Variants in GOSR1 observed in about 807,000 individuals in gnomAD.
GOSR1 encodes the protein golgi SNAP receptor complex member 1, also known as 28 kDa Golgi SNARE protein.
GOSR1 carries 21 observed loss-of-function variants against 35.5 expected under a neutral mutation model. That is an observed-to-expected ratio of 0.59 (90% confidence interval 0.42 to 0.85). The LOEUF is 0.85. Among genes scored for constraint, GOSR1 ranks in the 40% least tolerant of loss-of-function variants. The pLI is 0.00. For missense variants in GOSR1, 285 were observed against 309.6 expected (o/e 0.92, Z 0.60); for synonymous variants, 94 against 106.6 (o/e 0.88, Z 0.73).
At chr17:30,521,605 A>C (rs1181195990) in intron 8 of GOSR1, among the ~76,000 whole-genome samples, 1 of 151,084 alleles carries the variant, frequency 6.6e-6, no homozygotes. Flanking sequence ...AAAAAAAATC[A>C]AAAAAAATGG....
In GOSR1 at chr17:30,488,164, C is replaced by CTTT. The variant is rs1165032726; in HGVS notation, c.343-1946_343-1944dup. ...AATAGACATTTACTCTTTAAATATA[C>CTTT]TTTTTTTTTTTTTTTTTTGAGACAG... On this transcript the variant is annotated intron_variant, in intron 4 of 8. Coordinates refer to ENST00000451249, the MANE Select transcript of GOSR1 (RefSeq NM_001007025.2). 3.3e-4 allele frequency among the ~76,000 whole-genome samples: 39 copies of CTTT among 116,918 alleles called. 2 individuals are homozygous for CTTT. Among genetic ancestry groups the CTTT allele is most frequent in the African/African-American group, 1.3e-3 (37 of 29,196 alleles). 76.7% of individuals were successfully genotyped at this position (116,918 alleles called of 152,430 possible).
chr17:30,510,821 A>G lies in GOSR1; in HGVS notation c.510-59A>G. The G allele has an allele frequency of 4.6e-6, 4 of 876,834 alleles. 1 individual carries two copies. Among genetic ancestry groups the G allele is most frequent in the Middle Eastern group, 4.5e-4 (2 of 4,400 alleles). 54.3% of individuals were successfully genotyped at this position (876,834 alleles called of 1,614,324 possible). On this transcript the variant is annotated intron_variant, in intron 6 of 8. Transcript: ENST00000451249. ...AGTTTATAGATGTAGAAAAATTAAT[A>G]CAGGTTTTACATGTGCATTTAGTAA...
rs996419680 is a variant in GOSR1, at chr17:30,526,771, A to C, written c.*4393A>C. ...TGTGCATTTTCTGACTGTATAGAAG[A>C]AGCTTTGGTATGTAATTTAATAATA... On this transcript the variant is annotated 3_prime_UTR_variant, in exon 9 of 9. Coordinates refer to ENST00000451249, the MANE Select transcript of GOSR1 (RefSeq NM_001007025.2). The C allele has an allele frequency of 2.6e-5, 4 of 152,720 alleles. No individual in the cohort carries two copies. Among genetic ancestry groups the C allele is most frequent in the Non-Finnish European group, 4.4e-5 (3 of 68,020 alleles). The allele number at this position is 152,720 out of a possible 1,614,324, so 9.5% of individuals were successfully genotyped here.
At chr17:30,509,675 C>G (rs950516650) in intron 6 of GOSR1, among the ~76,000 whole-genome samples, 3 of 152,184 alleles carry the variant, frequency 2.0e-5, no homozygotes, top group East Asian at 1.9e-4. Flanking sequence ...ATTCATTTCT[C>G]CCTAAAATGG....
At chr17:30,513,711 G>T (rs1249756943) in intron 7 of GOSR1, among the ~76,000 whole-genome samples, 1 of 152,172 alleles carries the variant, frequency 6.6e-6, no homozygotes, top group Non-Finnish European at 1.5e-5. Flanking sequence ...AACACTTTGG[G>T]AGGCTGAGGC....
At chr17:30,481,318 AT>A in intron 2 of GOSR1, 61 bp downstream of exon 2, 7 of 1,203,090 alleles carry the variant, frequency 5.8e-6, no homozygotes, top group Non-Finnish European at 8.3e-6. Context: ...GCATTAAAAA[AT>A]AAACTAAAAT....
In GOSR1 at chr17:30,525,356, C is replaced by G. The variant is rs1968166129; in HGVS notation, c.*2978C>G. 6.6e-6 allele frequency: 1 copy of G among 152,086 alleles called. No homozygotes were observed. Among genetic ancestry groups the G allele is most frequent in the Non-Finnish European group, 1.5e-5 (1 of 68,010 alleles). The allele number at this position is 152,086 out of a possible 1,614,324, so 9.4% of individuals were successfully genotyped here. The stretch of plus-strand genomic sequence containing the variant: ...TTTCTTAACTATGGGGTTTATTTTT[C>G]TAAATGTGGGTTGATTGACTGTTAA... On this transcript the variant is annotated 3_prime_UTR_variant, in exon 9 of 9. Transcript: ENST00000451249.
chr17:30,502,796 G>A (rs1967261154), intron 6 of GOSR1, among the ~76,000 whole-genome samples: 1 of 152,224 alleles, frequency 6.6e-6, no homozygotes, highest in African/African-American at 2.4e-5. Flanking sequence ...AATGTGCTCT[G>A]TAAAATAAAA....
At chr17:30,519,623 T>C in intron 7 of GOSR1, 1 of 193,168 alleles carries the variant, frequency 5.2e-6, no homozygotes, top group Non-Finnish European at 1.0e-5. Flanking sequence ...CTTTTTAAAG[T>C]TTTTAAACTT....
intron 6 of GOSR1, among the ~76,000 whole-genome samples, chr17:30,506,850 A>G (rs1726006473): frequency 6.6e-6 from 1 of 152,210 alleles, no homozygotes; most frequent in Non-Finnish European, 1.5e-5. Flanking sequence ...TGTATTTACC[A>G]TTCCAGAAAT....
intron 6 of GOSR1, among the ~76,000 whole-genome samples, chr17:30,497,436 C>CT (rs1247756797): frequency 1.3e-5 from 2 of 152,148 alleles, no homozygotes; most frequent in Admixed American, 6.5e-5. Flanking sequence ...GGTGTGGACT[C>CT]TATCTTTTTG....
At chr17:30,482,333 G>C (rs1304304482) in intron 2 of GOSR1, among the ~76,000 whole-genome samples, 2 of 152,084 alleles carry the variant, frequency 1.3e-5, no homozygotes, top group East Asian at 3.8e-4. Flanking sequence ...ACCATTTGAT[G>C]ATGGCCATTG....
intron 6 of GOSR1, among the ~76,000 whole-genome samples, chr17:30,508,585 A>G (rs1008683758): frequency 6.6e-6 from 1 of 152,220 alleles, no homozygotes; most frequent in Non-Finnish European, 1.5e-5. Context: ...AGTGCCCTTC[A>G]GGGGTGCTTC....
intron 3 of GOSR1, 89 bp from the exon 4 acceptor site, chr17:30,484,574 C>A: frequency 2.9e-6 from 2 of 692,544 alleles, no homozygotes; most frequent in South Asian, 3.8e-5. Flanking sequence ...TGCTGTCAAC[C>A]AAAAGGGCAT....
At chr17:30,514,678 CT>C (rs1967735097) in intron 7 of GOSR1, among the ~76,000 whole-genome samples, 6 of 152,168 alleles carry the variant, frequency 3.9e-5, no homozygotes, top group Admixed American at 3.3e-4. Context: ...TCTTAACGTT[CT>C]TTATCATTTT....
chr17:30,512,163 C>T (rs1967639613), intron 7 of GOSR1, among the ~76,000 whole-genome samples: 1 of 152,090 alleles, frequency 6.6e-6, no homozygotes. Flanking sequence ...GATTTCTGTT[C>T]TTTAGATAAT....
intron 4 of GOSR1, 176 bp downstream of exon 4, chr17:30,484,946 A>G: frequency 1.6e-6 from 1 of 641,644 alleles, no homozygotes; most frequent in Non-Finnish European, 2.8e-6. Context: ...CCATTATAAA[A>G]TTCTGAAAAT....
chr17:30,516,061 TAATC>T (rs1250937816), intron 7 of GOSR1, among the ~76,000 whole-genome samples: 1 of 152,240 alleles, frequency 6.6e-6, no homozygotes, highest in Non-Finnish European at 1.5e-5. Context: ...TAACGTTTCT[TAATC>T]AAGTGGAATT....
chr17:30,508,375 C>G (rs1967484346), intron 6 of GOSR1, among the ~76,000 whole-genome samples: 1 of 152,008 alleles, frequency 6.6e-6, no homozygotes, highest in African/African-American at 2.4e-5. Flanking sequence ...TATGTTTATG[C>G]TCTTTAATGT....
Sources: allele counts gnomAD v4.1 joint callset (sites outside exome capture counted in the v4.1 genomes callset), GRCh38; gene constraint gnomAD v4.1.1; transcripts MANE v1.5; gene names NCBI Gene and HGNC (gene_info 2026-07-23, HGNC 2026-07-21).